ESRRG: variants seen among roughly 807,000 people sequenced by gnomAD.
ESRRG encodes the protein estrogen-related receptor gamma.
A neutral mutation model predicts 44.0 loss-of-function variants in ESRRG; 13 were observed. The ratio of observed to expected loss-of-function variants is 0.30; its 90% CI spans 0.19 to 0.47. ESRRG has a LOEUF of 0.47. Among genes scored for constraint, ESRRG ranks in the 20% least tolerant of loss-of-function variants. The probability of loss-of-function intolerance (pLI) is 1.00; values close to 1 mark genes in which losing one functional copy is unlikely to be tolerated. For missense variants in ESRRG, 395 were observed against 580.6 expected (o/e 0.68, Z 3.29); for synonymous variants, 215 against 214.6 (o/e 1.00, Z -0.02).
intron 5 of ESRRG, among the ~76,000 whole-genome samples, chr1:216,526,724 G>A (rs950981917): frequency 6.6e-6 from 1 of 152,210 alleles, no homozygotes; most frequent in African/African-American, 2.4e-5. Flanking sequence ...AGTTCCAACA[G>A]TTTCTAATTC....
intron 2 of ESRRG, among the ~76,000 whole-genome samples, chr1:216,787,209 TG>T (rs1259936030): frequency 6.6e-6 from 1 of 152,148 alleles, no homozygotes; most frequent in Non-Finnish European, 1.5e-5. Flanking sequence ...ACGTTGTGTC[TG>T]TTTGAACTGC....
intron 3 of ESRRG, among the ~76,000 whole-genome samples, chr1:216,586,042 A>G (rs898846766): frequency 5.4e-5 from 5 of 92,708 alleles, no homozygotes; most frequent in Admixed American, 5.4e-4. Flanking sequence ...TCCGTCTCAA[A>G]ATAAATAAAT....
intron 1 of ESRRG, chr1:217,137,587 G>A (rs1256622942): frequency 1.3e-5 from 2 of 152,308 alleles, no homozygotes; most frequent in African/African-American, 4.8e-5. Context: ...GCTTGCTTAA[G>A]AGTTCTCAAA....
intron 2 of ESRRG, among the ~76,000 whole-genome samples, chr1:216,762,226 T>A (rs180871940): frequency 0.024 from 3,398 of 142,818 alleles, 57 homozygotes; most frequent in Non-Finnish European, 0.033. Context: ...AAGGACTATA[T>A]ATCATGCTGC....
chr1:216,869,981 C>G (rs1277611527), intron 2 of ESRRG, among the ~76,000 whole-genome samples: 1 of 151,678 alleles, frequency 6.6e-6, no homozygotes, highest in African/African-American at 2.4e-5. Flanking sequence ...AAAATCAAGT[C>G]GCCTGTGTTT....
intron 2 of ESRRG, among the ~76,000 whole-genome samples, chr1:216,663,653 AG>A (rs2073131417): frequency 6.7e-6 from 1 of 149,720 alleles, no homozygotes. Flanking sequence ...AACAAAAAAA[AG>A]AGACCAAGAG....
Position 216,503,556 on chromosome 1 carries a change from TATA to T in ESRRG, c.*3380_*3382del, listed in dbSNP as rs1369332705. 1 of 152,486 alleles carries T rather than the reference TATA, an allele frequency of 6.6e-6. No homozygotes were observed. Among genetic ancestry groups the T allele is most frequent in the Non-Finnish European group, 1.5e-5 (1 of 67,998 alleles). The allele number at this position is 152,486 out of a possible 1,614,324, so 9.4% of individuals were successfully genotyped here. Reference sequence around the variant, plus strand: ...GGCTATAATGCAACTCCTGGATTATTATAAGCAGTTTAAATTTTTTGTCCTTTT... The same window carrying T: ...GGCTATAATGCAACTCCTGGATTATTAGCAGTTTAAATTTTTTGTCCTTTT... On this transcript the variant is annotated 3_prime_UTR_variant, in exon 7 of 7. Transcript: ENST00000408911.
intron 1 of ESRRG, among the ~76,000 whole-genome samples, chr1:217,015,992 G>A (rs1397144573): frequency 1.3e-5 from 2 of 152,014 alleles, no homozygotes; most frequent in Non-Finnish European, 1.5e-5. Context: ...TAGATTTAAA[G>A]TGAGAAAGAA....
intron 1 of ESRRG, among the ~76,000 whole-genome samples, chr1:216,716,857 G>A (rs556387330): frequency 1.3e-5 from 2 of 151,828 alleles, no homozygotes; most frequent in Non-Finnish European, 3.0e-5. Flanking sequence ...AATTGTTAGT[G>A]TTGCGTGGTT....
rs569510447 is a variant in ESRRG, at chr1:217,084,834, C to T, written c.-106+4673G>A. ...CCACAGGTACTCCAAACACACTCAACCTTTTTTGTGTGTGTGATAACTATG... is the reference window on the plus strand; with the variant it reads ...CCACAGGTACTCCAAACACACTCAATCTTTTTTGTGTGTGTGATAACTATG... On this transcript the variant is annotated intron_variant, in intron 1 of 7. Coordinates refer to the ESRRG transcript ENST00000359162. 7.9e-5 allele frequency among the ~76,000 whole-genome samples: 12 copies of T among 152,258 alleles called. No individual in the cohort carries two copies. The East Asian group carries it at 2.3e-3, about 29-fold the overall frequency.
At chr1:216,607,135 A>G (rs975714807) in intron 3 of ESRRG, among the ~76,000 whole-genome samples, 3 of 152,236 alleles carry the variant, frequency 2.0e-5, no homozygotes, top group Admixed American at 2.0e-4. Flanking sequence ...CCTAGAAAGT[A>G]TAAAAGAAAT....
chr1:217,046,894 A>AGG (rs886804975), intron 1 of ESRRG, among the ~76,000 whole-genome samples: 5 of 146,412 alleles, frequency 3.4e-5, no homozygotes, highest in Non-Finnish European at 6.1e-5. Flanking sequence ...ATAAAAAAAA[A>AGG]GGGGGGGGAA....
intron 1 of ESRRG, among the ~76,000 whole-genome samples, chr1:216,961,140 T>C (rs954576187): frequency 3.9e-5 from 6 of 152,180 alleles, no homozygotes; most frequent in African/African-American, 1.4e-4. Flanking sequence ...ACTTGGAATC[T>C]AACAAAGTAA....
chr1:216,925,582 T>G (rs776012860), intron 2 of ESRRG, among the ~76,000 whole-genome samples: 20 of 152,124 alleles, frequency 1.3e-4, no homozygotes, highest in Non-Finnish European at 2.5e-4. Flanking sequence ...TTTCTGTTTT[T>G]GGGGGGACAG....
intron 1 of ESRRG, among the ~76,000 whole-genome samples, chr1:217,050,016 G>T (rs1014688231): frequency 2.0e-5 from 3 of 152,182 alleles, no homozygotes; most frequent in Admixed American, 6.5e-5. Context: ...CACAACAGAA[G>T]ATTTATGGCA....
chr1:216,924,101 A>G (rs1443110087), intron 2 of ESRRG, among the ~76,000 whole-genome samples: 2 of 152,198 alleles, frequency 1.3e-5, no homozygotes, highest in Admixed American at 1.3e-4. Flanking sequence ...AAGTGGATCC[A>G]GAAATGAAGG....
chr1:216,644,944 A>G (rs1210413750), intron 3 of ESRRG, among the ~76,000 whole-genome samples: 1 of 152,194 alleles, frequency 6.6e-6, no homozygotes, highest in Non-Finnish European at 1.5e-5. Context: ...ACAAACTTCA[A>G]ATAAAATCTG....
At chr1:216,617,796 T>C (rs1163124074) in intron 3 of ESRRG, among the ~76,000 whole-genome samples, 1 of 152,196 alleles carries the variant, frequency 6.6e-6, no homozygotes, top group African/African-American at 2.4e-5. Flanking sequence ...AAAATGTTTT[T>C]TAACATCAAT....
At chr1:216,587,932 C>G (rs953640155) in intron 3 of ESRRG, among the ~76,000 whole-genome samples, 4 of 152,116 alleles carry the variant, frequency 2.6e-5, no homozygotes, top group African/African-American at 7.2e-5. Flanking sequence ...GTCATCAATC[C>G]TAATTCTACA....
Sources: gnomAD v4.1 joint callset for allele counts (sites outside exome capture counted in the v4.1 genomes callset) on GRCh38, gnomAD v4.1.1 for gene constraint, MANE v1.5 for transcripts, NCBI Gene and HGNC (gene_info 2026-07-23, HGNC 2026-07-21) for gene names.